Variants in RBFOX1 observed in about 807,000 individuals in gnomAD.
RBFOX1 encodes the protein RNA binding fox-1 homolog 1.
RBFOX1 carries 8 observed loss-of-function variants against 57.7 expected under a neutral mutation model. That is an observed-to-expected ratio of 0.14 (90% confidence interval 0.08 to 0.25). The LOEUF is 0.25. Among genes scored for constraint, RBFOX1 ranks in the 10% least tolerant of loss-of-function variants. RBFOX1 has a pLI of 1.00. For synonymous variants in RBFOX1, 326 were observed against 222.4 expected, an observed-to-expected ratio of 1.47 and a Z score of -4.15; for missense variants, 611 against 548.5, an observed-to-expected ratio of 1.11 and a Z score of -1.14.
intron 1 of RBFOX1, among the ~76,000 whole-genome samples, chr16:6,247,036 C>G (rs574555321): frequency 1.4e-4 from 21 of 152,300 alleles, no homozygotes; most frequent in African/African-American, 5.1e-4. Flanking sequence ...CACCATTTTA[C>G]TCCAGCCTGG....
intron 1 of RBFOX1, among the ~76,000 whole-genome samples, chr16:6,090,411 T>C (rs1234182564): frequency 6.6e-6 from 1 of 152,204 alleles, no homozygotes; most frequent in African/African-American, 2.4e-5. Flanking sequence ...TCTCCACTCT[T>C]CTGAGTGTAG....
chr16:6,837,333 G>C (rs745716703), intron 3 of RBFOX1, among the ~76,000 whole-genome samples: 29 of 152,182 alleles, frequency 1.9e-4, no homozygotes, highest in Non-Finnish European at 3.8e-4. Flanking sequence ...GTGCCACCTG[G>C]CTGACTCTGA....
chr16:7,110,912 T>G (rs1402361697), intron 4 of RBFOX1, among the ~76,000 whole-genome samples: 2 of 152,170 alleles, frequency 1.3e-5, no homozygotes, highest in Admixed American at 1.3e-4. Context: ...GATTTTTAAC[T>G]TTGGGTAGTA....
At position 6,345,150 on chromosome 16, in the gene RBFOX1, A is replaced by C. The variant is rs79473982; in HGVS notation, c.-64+28093A>C. Among the ~76,000 whole-genome samples, 195 of 152,244 alleles carry C rather than the reference A, an allele frequency of 1.3e-3. 1 individual carries two copies. The highest frequency in any genetic ancestry group is 4.3e-3 in the African/African-American group (177 of 41,558). On this transcript the variant is annotated intron_variant, in intron 2 of 15. Coordinates refer to ENST00000550418, the MANE Select transcript of RBFOX1 (RefSeq NM_018723.4). Reference sequence around the variant, plus strand: ...CCTTGTTCTCTCCTAGGTAGACTTAAACAGCTCCTGCTGCAGAGTAGATGA... The same window carrying C: ...CCTTGTTCTCTCCTAGGTAGACTTACACAGCTCCTGCTGCAGAGTAGATGA...
intron 3 of RBFOX1, among the ~76,000 whole-genome samples, chr16:5,804,527 T>A (rs1248420735): frequency 6.6e-6 from 1 of 152,140 alleles, no homozygotes; most frequent in Admixed American, 6.5e-5. Flanking sequence ...TGAGGACAAA[T>A]GAAACGTTGA....
chr16:6,045,722 A>G (rs1435276066), intron 1 of RBFOX1, among the ~76,000 whole-genome samples: 2 of 152,234 alleles, frequency 1.3e-5, no homozygotes, highest in African/African-American at 4.8e-5. Flanking sequence ...GATATGTACC[A>G]TCAATGAAAT....
At chr16:7,339,631 G>T (rs906987788) in intron 4 of RBFOX1, among the ~76,000 whole-genome samples, 3 of 152,090 alleles carry the variant, frequency 2.0e-5, no homozygotes, top group Non-Finnish European at 4.4e-5. Context: ...GTAAAGACAG[G>T]GTTTCACCAT....
intron 3 of RBFOX1, among the ~76,000 whole-genome samples, chr16:6,819,760 C>G (rs894005639): frequency 9.5e-6 from 1 of 105,260 alleles, no homozygotes; most frequent in Non-Finnish European, 1.9e-5. Flanking sequence ...TATAGTATAA[C>G]AGGTATTAAA....
intron 3 of RBFOX1, among the ~76,000 whole-genome samples, chr16:6,746,892 A>G (rs2073794953): frequency 6.6e-6 from 1 of 152,104 alleles, no homozygotes; most frequent in Non-Finnish European, 1.5e-5. Context: ...TAGAAACTCC[A>G]TCTCCTAGCA....
At chr16:7,084,490 G>A (rs978982881) in intron 4 of RBFOX1, among the ~76,000 whole-genome samples, 13 of 152,154 alleles carry the variant, frequency 8.5e-5, no homozygotes, top group East Asian at 1.9e-4. Context: ...TCCTTTAGCT[G>A]ATTTCAGAAG....
chr16:6,029,234 T>C (rs533002312), intron 1 of RBFOX1, among the ~76,000 whole-genome samples: 68 of 152,368 alleles, frequency 4.5e-4, no homozygotes, highest in Non-Finnish European at 6.8e-4. Flanking sequence ...CAGGAAACTT[T>C]ATTGGTTTTG....
intron 4 of RBFOX1, among the ~76,000 whole-genome samples, chr16:7,152,330 GGGATAATGGACAAAAAT>G (rs1322555345): frequency 2.0e-5 from 3 of 152,190 alleles, no homozygotes; most frequent in African/African-American, 7.2e-5. Flanking sequence ...AACTACAGAA[GGGATAATGGACAAAAAT>G]TAAATTATAA....
chr16:5,468,865 A>G (rs1163252060), intron 2 of RBFOX1, among the ~76,000 whole-genome samples: 2 of 152,250 alleles, frequency 1.3e-5, no homozygotes, highest in African/African-American at 2.4e-5. Flanking sequence ...GATTGGATCC[A>G]TCTCAGGACA....
intron 14 of RBFOX1, among the ~76,000 whole-genome samples, chr16:7,692,558 G>T (rs1477211802): frequency 6.6e-6 from 1 of 152,100 alleles, no homozygotes; most frequent in African/African-American, 2.4e-5. Context: ...TACGAACCTA[G>T]CCAACCTCAT....
intron 1 of RBFOX1, among the ~76,000 whole-genome samples, chr16:6,270,820 A>C (rs1313830495): frequency 1.3e-5 from 2 of 152,204 alleles, no homozygotes; most frequent in African/African-American, 2.4e-5. Context: ...ACAAAGTTTA[A>C]CAAATTTAAA....
At chr16:7,239,980 T>C (rs1345824287) in intron 4 of RBFOX1, among the ~76,000 whole-genome samples, 1 of 152,166 alleles carries the variant, frequency 6.6e-6, no homozygotes, top group Non-Finnish European at 1.5e-5. Context: ...TGGTGACGAT[T>C]ATTTGAGACT....
At chr16:5,800,042 T>C (rs912769492) in intron 3 of RBFOX1, among the ~76,000 whole-genome samples, 3 of 151,928 alleles carry the variant, frequency 2.0e-5, no homozygotes, top group Admixed American at 2.0e-4. Flanking sequence ...TTCCCTATTT[T>C]TTATATATAT....
intron 1 of RBFOX1, among the ~76,000 whole-genome samples, chr16:6,036,094 T>C (rs1461000058): frequency 1.3e-5 from 2 of 152,142 alleles, no homozygotes; most frequent in African/African-American, 4.8e-5. Flanking sequence ...CAAAGCCTGG[T>C]GGAGGCAGCC....
intron 2 of RBFOX1, among the ~76,000 whole-genome samples, chr16:5,504,283 A>T (rs1597331847): frequency 6.6e-6 from 1 of 152,158 alleles, no homozygotes; most frequent in South Asian, 2.1e-4. Context: ...GCCTCCCAGG[A>T]CCCAACAGCT....
Sources: gnomAD v4.1 joint callset for allele counts (sites outside exome capture counted in the v4.1 genomes callset) on GRCh38, gnomAD v4.1.1 for gene constraint, MANE v1.5 for transcripts, NCBI Gene and HGNC (gene_info 2026-07-23, HGNC 2026-07-21) for gene names.